Variants in MAP3K14 observed in about 807,000 individuals in gnomAD.
MAP3K14 encodes NF-kappa-beta-inducing kinase.
MAP3K14 carries 16 observed loss-of-function variants against 99.2 expected under a neutral mutation model. The ratio of observed to expected loss-of-function variants is 0.16; its 90% CI spans 0.11 to 0.24. MAP3K14 has a LOEUF of 0.24. MAP3K14 is among the 10% of genes least tolerant of loss of function. The pLI is 1.00. For synonymous variants in MAP3K14, 462 were observed against 492.4 expected, an observed-to-expected ratio of 0.94 and a Z score of 0.82; for missense variants, 784 against 1,208.7, an observed-to-expected ratio of 0.65 and a Z score of 5.21.
chr17:45,289,426 CCT>C (rs34022820), intron 2 of MAP3K14, 121 bp from the exon 3 acceptor site: 20 of 738,258 alleles, frequency 2.7e-5, no homozygotes, highest in African/African-American at 6.9e-5. Context: ...CCAGACAACC[CCT>C]GTCTGGCAGT....
chr17:45,274,105 G>A lies in MAP3K14; in HGVS notation c.1552+18C>T, dbSNP rs372021923. 65 of 1,607,178 alleles carry A rather than the reference G, an allele frequency of 4.0e-5. No homozygotes were observed. The highest frequency in any genetic ancestry group is 5.0e-5 in the Non-Finnish European group (59 of 1,176,032). The stretch of plus-strand genomic sequence containing the variant: ...GAAGAGCCTGCTGGGGATCAGGGCC[G>A]TGGGGCCTGGGCCTTACCTTTGACG... On this transcript the variant is annotated intron_variant, in intron 8 of 15. Transcript: ENST00000344686.
At chr17:45,301,336 G>A (rs978516145) in intron 1 of MAP3K14, among the ~76,000 whole-genome samples, 3 of 152,126 alleles carry the variant, frequency 2.0e-5, no homozygotes, top group African/African-American at 7.2e-5. Flanking sequence ...GGTGGCACAT[G>A]CCTGTAATCC....
intron 14 of MAP3K14, 52 bp from the exon 15 acceptor site, chr17:45,265,315 G>C (rs1369201423): frequency 3.2e-6 from 4 of 1,251,078 alleles, no homozygotes; most frequent in South Asian, 1.2e-5. Flanking sequence ...GCTCCCCAAG[G>C]ACCAGGGTCC....
chr17:45,267,374 C>G lies in MAP3K14; in HGVS notation c.2326+32G>C, dbSNP rs776117126. On this transcript the variant is annotated intron_variant, in intron 12 of 15. Transcript: ENST00000344686. The surrounding 1 kb of genome is among the most constrained non-coding windows in gnomAD (Gnocchi z 5.1). ...CCGCGGGTGGCCCAGGGCCAGTGCT[C>G]AGGGCCCCACTGCAGCCACGGCTGC... The G allele has an allele frequency of 2.6e-5, 40 of 1,551,438 alleles. No individual in the cohort carries two copies. The highest frequency in any genetic ancestry group is 3.5e-5 in the Non-Finnish European group (40 of 1,147,624).
Position 45,265,237 on chromosome 17 carries a change from T to G in MAP3K14, c.2605A>C (p.Asn869His). The G allele has an allele frequency of 1.9e-6, 3 of 1,613,694 alleles. No individual in the cohort carries two copies. The highest frequency in any genetic ancestry group is 2.5e-6 in the Non-Finnish European group (3 of 1,179,736). Residue 869 changes from asparagine to histidine, a missense_variant, in exon 15 of 16, where the codon AAT (asparagine) becomes CAT (histidine). Physicochemically the swap from Asn to His is moderately conservative, Grantham distance 68 (BLOSUM62 1). Transcript: ENST00000344686. The part of the protein sequence containing the change: ...NGVKVQIQSL[N>H]GEHLHIREFH... Reference sequence around the variant, plus strand: ...TCCCGGATGTGCAGGTGTTCACCATTAAGAGACTGTATTTGGACTTTCACA... The same window carrying G: ...TCCCGGATGTGCAGGTGTTCACCATGAAGAGACTGTATTTGGACTTTCACA...
Position 45,286,905 on chromosome 17 carries a change from G to T in MAP3K14, c.678C>A (p.Leu226=). The part of the protein sequence containing the change: ...GLRPALPRSE[L]HKLISPLQCL... ...ATTGCAAGGGGCTGATCAGTTTGTG[G>T]AGTTCTGATCGAGGCAGAGCCGGCC... The change falls in exon 5 of 16, where the codon CTC becomes CTA. Residue 226 remains leucine (L), a synonymous_variant. Transcript: ENST00000344686. This position sits in a 1 kb window ranked among gnomAD's most constrained non-coding sequence, Gnocchi z 4.1. 1 of 1,614,056 alleles carries T rather than the reference G, an allele frequency of 6.2e-7. No homozygotes were observed. The highest frequency in any genetic ancestry group is 1.1e-5 in the South Asian group (1 of 91,092).
chr17:45,302,759 C>T (rs1002408145), intron 1 of MAP3K14, among the ~76,000 whole-genome samples: 1 of 152,240 alleles, frequency 6.6e-6, no homozygotes, highest in African/African-American at 2.4e-5. Context: ...CATGCACACA[C>T]ATGCAAGCAC....
chr17:45,277,277 A>G (rs1567991193), intron 6 of MAP3K14, among the ~76,000 whole-genome samples: 3 of 151,998 alleles, frequency 2.0e-5, no homozygotes, highest in Admixed American at 1.3e-4. Context: ...AGCATTAGGT[A>G]TATCTCCTAA....
At chr17:45,298,698 C>T (rs1412174919) in intron 1 of MAP3K14, among the ~76,000 whole-genome samples, 1 of 152,176 alleles carries the variant, frequency 6.6e-6, no homozygotes, top group African/African-American at 2.4e-5. Context: ...GGATCTTATG[C>T]GTGGCAGTTC....
intron 3 of MAP3K14, among the ~76,000 whole-genome samples, chr17:45,288,379 G>GTT (rs11410554): frequency 0.1 from 13,596 of 135,748 alleles, 911 homozygotes; most frequent in Admixed American, 0.14. Context: ...TTGAACTCTT[G>GTT]TTTTTTTTTT....
intron 5 of MAP3K14, among the ~76,000 whole-genome samples, chr17:45,285,844 C>T (rs547321219): frequency 4.3e-4 from 65 of 151,452 alleles, no homozygotes; most frequent in Non-Finnish European, 8.4e-4. Flanking sequence ...CCCAGCTACT[C>T]GGGGGGCTGA....
chr17:45,267,384 C>G lies in MAP3K14; in HGVS notation c.2326+22G>C. The stretch of plus-strand genomic sequence containing the variant: ...CCCAGGGCCAGTGCTCAGGGCCCCA[C>G]TGCAGCCACGGCTGCCCGTACCTAT... On this transcript the variant is annotated intron_variant, in intron 12 of 15. Transcript: ENST00000344686. This position sits in a 1 kb window ranked among gnomAD's most constrained non-coding sequence, Gnocchi z 5.1. The G allele has an allele frequency of 6.4e-7, 1 of 1,560,754 alleles. No homozygotes were observed. Among genetic ancestry groups the G allele is most frequent in the South Asian group, 1.2e-5 (1 of 85,256 alleles).
rs567998119 is a variant in MAP3K14, at chr17:45,289,204, C to A, written c.326+32G>T. ...ACGAGGGCGCTGGGTCCAGTCCCCA[C>A]CTTCCCACTCAGGCTTGTCTCCCCT... On this transcript the variant is annotated intron_variant, in intron 3 of 15. Coordinates refer to ENST00000344686, the MANE Select transcript of MAP3K14 (RefSeq NM_003954.5). 25 of 1,606,950 alleles carry A rather than the reference C, an allele frequency of 1.6e-5. No homozygotes were observed. In the South Asian group the frequency reaches 2.8e-4, roughly 18 times the overall value.
intron 8 of MAP3K14, 145 bp downstream of exon 8, chr17:45,273,978 C>T (rs2044159807): frequency 1.0e-6 from 1 of 958,206 alleles, no homozygotes; most frequent in African/African-American, 1.6e-5. Context: ...ACATCATTCC[C>T]CTTCCTACAG....
In MAP3K14 at chr17:45,267,705, G is replaced by A. The variant is rs759696785; in HGVS notation, c.2027C>T (p.Pro676Leu). 29 of 1,613,592 alleles carry A rather than the reference G, an allele frequency of 1.8e-5. No homozygotes were observed. The highest frequency in any genetic ancestry group is 6.6e-5 in the South Asian group (6 of 91,086). The change falls in exon 12 of 16, where the codon CCG (proline) becomes CTG (leucine). Residue 676 changes from proline (P) to leucine (L), a missense_variant. Pro to Leu is a moderately conservative substitution (Grantham distance 98). Around this residue, in one of 5 missense-constraint regions of MAP3K14, gnomAD observed 128 missense variants for 143.3 expected, o/e 0.89. Coordinates refer to ENST00000344686, the MANE Select transcript of MAP3K14 (RefSeq NM_003954.5). This position sits in a 1 kb window ranked among gnomAD's most constrained non-coding sequence, Gnocchi z 5.1. Reference sequence around the variant, plus strand: ...CTGGTGGTAATTGGCTTGATTTGGCGGTGGATGTCTTGGTTCTTTATATTC... The same window carrying A: ...CTGGTGGTAATTGGCTTGATTTGGCAGTGGATGTCTTGGTTCTTTATATTC... ...RGEYKEPRHP[P>L]PNQANYHQTL... is the part of the protein sequence containing the mutation.
intron 1 of MAP3K14, among the ~76,000 whole-genome samples, chr17:45,308,254 G>T (rs79039330): frequency 0.098 from 14,920 of 152,214 alleles, 893 homozygotes; most frequent in Admixed American, 0.15. Context: ...TTCAGGCACC[G>T]TGCTGGCCAG....
At chr17:45,287,122 C>G (rs372903828) in intron 4 of MAP3K14, 32 bp downstream of exon 4, 16 of 1,605,528 alleles carry the variant, frequency 1.0e-5, no homozygotes, top group African/African-American at 2.7e-5. Flanking sequence ...CCCCATGAAC[C>G]TGGGGTCTGG....
intron 6 of MAP3K14, among the ~76,000 whole-genome samples, chr17:45,277,004 A>G (rs2143798420): frequency 6.8e-6 from 1 of 147,598 alleles, no homozygotes; most frequent in South Asian, 2.1e-4. Flanking sequence ...TAATTTTTGT[A>G]TTTTTAGTAG....
chr17:45,275,183 C>T (rs971305773), intron 6 of MAP3K14, among the ~76,000 whole-genome samples: 1 of 151,698 alleles, frequency 6.6e-6, no homozygotes, highest in Admixed American at 6.6e-5. Context: ...TACATTCCAG[C>T]CGGGCGCGGT....
Sources: allele counts gnomAD v4.1 joint callset (sites outside exome capture counted in the v4.1 genomes callset), GRCh38; gene constraint gnomAD v4.1.1; regional missense constraint gnomAD v4.1.1; non-coding constraint Gnocchi (gnomAD v3.1); transcripts MANE v1.5; gene names NCBI Gene and HGNC (gene_info 2026-07-23, HGNC 2026-07-21).